EPB41L4B: variants seen among roughly 807,000 people sequenced by gnomAD.
EPB41L4B encodes band 4.1-like protein 4B.
A neutral mutation model predicts 112.5 loss-of-function variants in EPB41L4B; 30 were observed. The ratio of observed to expected loss-of-function variants is 0.27; its 90% CI spans 0.20 to 0.36. The LOEUF (loss-of-function observed/expected upper bound fraction) is 0.36. EPB41L4B is among the 10% of genes least tolerant of loss of function. The probability of loss-of-function intolerance (pLI) is 1.00; values close to 1 mark genes in which losing one functional copy is unlikely to be tolerated. For synonymous variants in EPB41L4B, 408 were observed against 439.7 expected, an observed-to-expected ratio of 0.93 and a Z score of 0.90; for missense variants, 1,024 against 1,133.3, an observed-to-expected ratio of 0.90 and a Z score of 1.38.
At chr9:109,204,610 A>G (rs1427975899) in intron 18 of EPB41L4B, among the ~76,000 whole-genome samples, 1 of 151,666 alleles carries the variant, frequency 6.6e-6, no homozygotes. Flanking sequence ...TCCTGCCTCA[A>G]CCTCCAGATT....
rs573807379 is a variant in EPB41L4B at position 109,244,434 on chromosome 9, CTTTTTTTTTTTTTTT to C, written c.1345-767_1345-753del. Among the ~76,000 whole-genome samples, 652 of 48,508 alleles carry C rather than the reference CTTTTTTTTTTTTTTT, an allele frequency of 0.013. 22 individuals are homozygous for C. The East Asian group carries it at 0.21, about 16-fold the overall frequency. The allele number at this position is 48,508 out of a possible 152,430, so 31.8% of individuals were successfully genotyped here. Reference sequence around the variant, plus strand: ...GAGAAGGAAGGAGGTTGAAGGTTGTCTTTTTTTTTTTTTTTTTTTTTTTTTTTTTTTTACAGAGTC... The same window carrying C: ...GAGAAGGAAGGAGGTTGAAGGTTGTCTTTTTTTTTTTTTTTTTACAGAGTC... On this transcript the variant is annotated intron_variant, in intron 14 of 25. Coordinates refer to ENST00000374566, the MANE Select transcript of EPB41L4B (RefSeq NM_019114.5).
chr9:109,276,861 T>C (rs1209309555), intron 2 of EPB41L4B, among the ~76,000 whole-genome samples: 3 of 152,212 alleles, frequency 2.0e-5, no homozygotes, highest in Non-Finnish European at 2.9e-5. Context: ...AAATGAAAGA[T>C]ACCTCCTCCT....
chr9:109,306,319 A>C (rs1837190184), intron 1 of EPB41L4B, among the ~76,000 whole-genome samples: 1 of 152,158 alleles, frequency 6.6e-6, no homozygotes, highest in African/African-American at 2.4e-5. Flanking sequence ...GGGGAGTTTT[A>C]AAACATTCTG....
chr9:109,201,317 G>A (rs1006412629), intron 19 of EPB41L4B, among the ~76,000 whole-genome samples: 2 of 151,990 alleles, frequency 1.3e-5, no homozygotes, highest in Non-Finnish European at 2.9e-5. Context: ...AGGTATGGTG[G>A]CGCATGTTTG....
At chr9:109,203,855 G>C in intron 18 of EPB41L4B, 125 bp from the exon 19 acceptor site, 1 of 727,536 alleles carries the variant, frequency 1.4e-6, no homozygotes, top group South Asian at 1.7e-5. Flanking sequence ...AGTTCACCAA[G>C]TACTCAATCA....
At chr9:109,205,112 A>G (rs1035207277) in intron 18 of EPB41L4B, among the ~76,000 whole-genome samples, 1 of 152,218 alleles carries the variant, frequency 6.6e-6, no homozygotes, top group Non-Finnish European at 1.5e-5. Flanking sequence ...TTCAGAGACT[A>G]TAAGAAGCTG....
Position 109,195,649 on chromosome 9 carries a change from T to C in EPB41L4B, c.2046-1252A>G, listed in dbSNP as rs117265513. 1.1e-3 allele frequency among the ~76,000 whole-genome samples: 165 copies of C among 152,360 alleles called. 2 individuals are homozygous for C. The East Asian group carries it at 0.018, about 16-fold the overall frequency. On this transcript the variant is annotated intron_variant, in intron 20 of 25. Coordinates refer to ENST00000374566, the MANE Select transcript of EPB41L4B (RefSeq NM_019114.5). ...TAGCAGCTGATTGTGAAATTATTTG[T>C]TCAAGTTCGCAAAGCTAGTTAAGTG...
chr9:109,240,771 G>A, intron 15 of EPB41L4B: 1 of 985,428 alleles, frequency 1.0e-6, no homozygotes, highest in East Asian at 1.1e-4. Context: ...CTTTTTAAGA[G>A]TGAAGTCTAG....
chr9:109,205,743 A>C (rs1484868112), intron 18 of EPB41L4B, among the ~76,000 whole-genome samples: 5 of 152,208 alleles, frequency 3.3e-5, no homozygotes, highest in Non-Finnish European at 7.3e-5. Flanking sequence ...AAGGCATTGC[A>C]CCAGGTACTC....
At chr9:109,245,800 A>G (rs1834532314) in intron 14 of EPB41L4B, among the ~76,000 whole-genome samples, 1 of 152,206 alleles carries the variant, frequency 6.6e-6, no homozygotes, top group Admixed American at 6.5e-5. Flanking sequence ...GATAGAACAC[A>G]AGACCTCTAA....
chr9:109,270,034 C>G (rs999628792), intron 2 of EPB41L4B, among the ~76,000 whole-genome samples: 2 of 152,196 alleles, frequency 1.3e-5, no homozygotes, highest in Non-Finnish European at 2.9e-5. Flanking sequence ...CATGTAATGT[C>G]ACCGCAGCAG....
chr9:109,174,919 T>TG (rs1425611097), intron 25 of EPB41L4B, among the ~76,000 whole-genome samples: 1 of 141,176 alleles, frequency 7.1e-6, no homozygotes, highest in African/African-American at 2.6e-5. Context: ...AGTGTTTTTT[T>TG]TTTTTTTTTT....
rs866984854 is a variant in EPB41L4B, at chr9:109,215,095, G to T, written c.1634-1277C>A. 2.6e-5 allele frequency among the ~76,000 whole-genome samples: 4 copies of T among 152,260 alleles called. No individual in the cohort carries two copies. The Middle Eastern group carries it at 0.014, about 518-fold the overall frequency. On this transcript the variant is annotated intron_variant, in intron 16 of 25. Transcript: ENST00000374566. ...TTGTTCCCTGTGGCCCCAAGGTGAA[G>T]GTTGGATGGCCCATCCTGTCTCAAC...
intron 14 of EPB41L4B, among the ~76,000 whole-genome samples, chr9:109,245,627 T>C (rs553628110): frequency 1.4e-3 from 215 of 152,286 alleles, no homozygotes; most frequent in Non-Finnish European, 2.1e-3. Flanking sequence ...GCGTCCTCAT[T>C]GAGAACACAG....
chr9:109,177,122 G>A (rs1211800922), intron 24 of EPB41L4B, among the ~76,000 whole-genome samples: 2 of 152,182 alleles, frequency 1.3e-5, no homozygotes, highest in South Asian at 2.1e-4. Context: ...GGCTCAGAGA[G>A]GTTAAGTAAT....
intron 1 of EPB41L4B, among the ~76,000 whole-genome samples, chr9:109,283,274 A>G (rs557612108): frequency 1.3e-5 from 2 of 152,336 alleles, no homozygotes; most frequent in East Asian, 3.9e-4. Flanking sequence ...GCCTTCTTGT[A>G]ACCCAGTAAA....
At chr9:109,175,153 G>A (rs73523134) in intron 25 of EPB41L4B, among the ~76,000 whole-genome samples, 2,067 of 151,974 alleles carry the variant, frequency 0.014, 49 homozygotes, top group African/African-American at 0.047. Context: ...CTGAGCTCAG[G>A]CAATCCACTT....
chr9:109,176,442 T>C, intron 25 of EPB41L4B, 109 bp downstream of exon 25: 4 of 1,228,116 alleles, frequency 3.3e-6, no homozygotes, highest in Non-Finnish European at 4.4e-6. Flanking sequence ...ACAGAATAAA[T>C]GAAAGAATGT....
intron 20 of EPB41L4B, among the ~76,000 whole-genome samples, chr9:109,195,415 T>C (rs551344081): frequency 6.6e-6 from 1 of 152,272 alleles, no homozygotes; most frequent in Non-Finnish European, 1.5e-5. Context: ...ATTCTGTGTA[T>C]GGAGAAGCCT....
Sources: gnomAD v4.1 joint callset for allele counts (sites outside exome capture counted in the v4.1 genomes callset) on GRCh38, gnomAD v4.1.1 for gene constraint, MANE v1.5 for transcripts, NCBI Gene and HGNC (gene_info 2026-07-23, HGNC 2026-07-21) for gene names.